Variants in CTNNBL1 observed in about 807,000 individuals in gnomAD.
The protein encoded by CTNNBL1 is catenin beta like 1.
CTNNBL1 carries 31 observed loss-of-function variants against 72.7 expected under a neutral mutation model. That is an observed-to-expected ratio of 0.43 (90% CI 0.32 to 0.58). CTNNBL1 has a LOEUF of 0.58. Ranked by LOEUF, CTNNBL1 falls within the 20% of genes least tolerant of loss-of-function variation. The pLI, the probability that CTNNBL1 is intolerant of heterozygous loss-of-function variation, is 0.08. For missense variants in CTNNBL1, 534 were observed against 725.1 expected (o/e 0.74, Z 3.03); for synonymous variants, 240 against 267.3 (o/e 0.90, Z 1.00).
rs879535655 is a variant in CTNNBL1, at chr20:37,695,421, C to G, written c.30+1269C>G. On this transcript the variant is annotated intron_variant, in intron 1 of 15. Coordinates refer to ENST00000361383, the MANE Select transcript of CTNNBL1 (RefSeq NM_030877.5). ...TGTTGCCCAAGATGGTCTCAAACTC[C>G]TAGCCTCAAGCAGTCTTCCCACTTG... 2.0e-5 allele frequency among the ~76,000 whole-genome samples: 3 copies of G among 152,196 alleles called. No homozygotes were observed. The East Asian group carries it at 5.8e-4, about 29-fold the overall frequency.
At chr20:37,816,769 A>G (rs2072063158) in intron 11 of CTNNBL1, among the ~76,000 whole-genome samples, 1 of 152,052 alleles carries the variant, frequency 6.6e-6, no homozygotes. Flanking sequence ...AAATACATTA[A>G]GCATGTCATT....
At chr20:37,795,699 T>C (rs4811124) in intron 10 of CTNNBL1, among the ~76,000 whole-genome samples, 150,596 of 152,276 alleles carry the variant, frequency 0.99, 74,467 homozygotes, top group East Asian at 1. Context: ...AACATGCTGA[T>C]GCTTTTCTCG....
intron 7 of CTNNBL1, among the ~76,000 whole-genome samples, chr20:37,772,321 GC>G (rs777542440): frequency 2.9e-4 from 44 of 152,114 alleles, no homozygotes; most frequent in Non-Finnish European, 4.7e-4. Context: ...TTGGAGTGGA[GC>G]CTGGTAGTCT....
In CTNNBL1 at chr20:37,757,559, A is replaced by G; in HGVS notation, c.467A>G (p.Asp156Gly). ...LLGLLGHDNT[D>G]VSIAVVDLLQ... is the part of the protein sequence containing the mutation. ...GTGTTATACCCTTAACATTTTTCAC[A>G]TGTGTCCATAGCTGTGGTCGATTTG... The change falls in exon 5 of 16, where the codon GAT becomes GGT. Residue 156 changes from aspartate (D) to glycine (G), a missense_variant and splice_region_variant. Asp to Gly is a moderately conservative substitution (Grantham distance 94). Coordinates refer to ENST00000361383, the MANE Select transcript of CTNNBL1 (RefSeq NM_030877.5). 6.2e-7 allele frequency: 1 copy of G among 1,611,620 alleles called. No individual in the cohort carries two copies. Among genetic ancestry groups the G allele is most frequent in the Non-Finnish European group, 8.5e-7 (1 of 1,177,812 alleles).
intron 11 of CTNNBL1, among the ~76,000 whole-genome samples, chr20:37,816,792 A>C (rs538485000): frequency 6.8e-4 from 100 of 147,486 alleles, no homozygotes; most frequent in Non-Finnish European, 8.9e-4. Context: ...GATAATCACA[A>C]AAAAAAAAAA....
At chr20:37,832,932 A>G (rs973155110) in intron 11 of CTNNBL1, among the ~76,000 whole-genome samples, 1 of 152,192 alleles carries the variant, frequency 6.6e-6, no homozygotes, top group Admixed American at 6.5e-5. Context: ...TGGGTGTACT[A>G]GATCAAGCGT....
At chr20:37,843,238 G>A (rs2072319715) in intron 13 of CTNNBL1, among the ~76,000 whole-genome samples, 1 of 152,168 alleles carries the variant, frequency 6.6e-6, no homozygotes, top group Non-Finnish European at 1.5e-5. Flanking sequence ...CAAGTCTACA[G>A]GAGACCTCAT....
At chr20:37,869,325 C>G (rs1293312385) in intron 15 of CTNNBL1, among the ~76,000 whole-genome samples, 4 of 152,182 alleles carry the variant, frequency 2.6e-5, no homozygotes, top group African/African-American at 9.7e-5. Flanking sequence ...CTTTGTCTCC[C>G]CAGTCTTTGT....
intron 11 of CTNNBL1, among the ~76,000 whole-genome samples, chr20:37,805,712 A>T (rs1329127543): frequency 1.3e-5 from 2 of 151,926 alleles, no homozygotes; most frequent in Non-Finnish European, 2.9e-5. Flanking sequence ...CTTAGTTTTG[A>T]TGTCTCTTTC....
At chr20:37,783,057 C>T (rs2073639930) in intron 10 of CTNNBL1, among the ~76,000 whole-genome samples, 1 of 152,066 alleles carries the variant, frequency 6.6e-6, no homozygotes, top group Admixed American at 6.5e-5. Context: ...CCTTGCATGC[C>T]GCCAGGCCTG....
At chr20:37,752,473 G>A (rs2073328079) in intron 4 of CTNNBL1, among the ~76,000 whole-genome samples, 1 of 151,492 alleles carries the variant, frequency 6.6e-6, no homozygotes. Context: ...TATATTCTCT[G>A]AATCTATACT....
intron 10 of CTNNBL1, among the ~76,000 whole-genome samples, chr20:37,796,036 G>C (rs1468391310): frequency 6.6e-6 from 1 of 152,018 alleles, no homozygotes; most frequent in Non-Finnish European, 1.5e-5. Flanking sequence ...GACCAGATTA[G>C]TCTATGGCTA....
intron 10 of CTNNBL1, among the ~76,000 whole-genome samples, chr20:37,787,310 C>G (rs983170679): frequency 4.1e-5 from 6 of 147,490 alleles, no homozygotes; most frequent in Admixed American, 1.4e-4. Context: ...TTTTGTGTTA[C>G]GTGTAACTCT....
chr20:37,719,357 C>G (rs890628870), intron 1 of CTNNBL1, among the ~76,000 whole-genome samples: 2 of 152,292 alleles, frequency 1.3e-5, no homozygotes, highest in East Asian at 3.9e-4. Flanking sequence ...TCCTTGATCT[C>G]CAGTCTGATA....
intron 1 of CTNNBL1, among the ~76,000 whole-genome samples, chr20:37,697,032 A>G (rs2072799238): frequency 6.6e-6 from 1 of 151,690 alleles, no homozygotes; most frequent in Non-Finnish European, 1.5e-5. Flanking sequence ...AAATATAAAA[A>G]ATTAGCCGGG....
At chr20:37,700,007 G>A (rs1334316871) in intron 1 of CTNNBL1, among the ~76,000 whole-genome samples, 1 of 152,114 alleles carries the variant, frequency 6.6e-6, no homozygotes, top group Non-Finnish European at 1.5e-5. Context: ...TCTCTCTGAG[G>A]CCCCTTCTAG....
At chr20:37,790,062 C>A (rs1056844314) in intron 10 of CTNNBL1, among the ~76,000 whole-genome samples, 1 of 152,086 alleles carries the variant, frequency 6.6e-6, no homozygotes, top group African/African-American at 2.4e-5. Context: ...TGTTGTTGTT[C>A]TAAGGTTTTC....
intron 11 of CTNNBL1, among the ~76,000 whole-genome samples, chr20:37,806,168 A>G (rs990283984): frequency 6.6e-5 from 10 of 152,130 alleles, no homozygotes; most frequent in African/African-American, 2.4e-4. Context: ...TTAGAGCCAC[A>G]CCCTTAAGAG....
chr20:37,767,848 G>A, intron 6 of CTNNBL1, 105 bp from the exon 7 acceptor site: 1 of 851,734 alleles, frequency 1.2e-6, no homozygotes. Context: ...TGGGAGTAAT[G>A]CAGGGAAGTG....
Sources: gnomAD v4.1 joint callset for allele counts (sites outside exome capture counted in the v4.1 genomes callset) on GRCh38, gnomAD v4.1.1 for gene constraint, MANE v1.5 for transcripts, NCBI Gene and HGNC (gene_info 2026-07-23, HGNC 2026-07-21) for gene names.